Variants in NAV2 observed in about 807,000 individuals in gnomAD.
The protein encoded by NAV2 is helicase, APC down-regulated 1.
NAV2 carries 54 observed loss-of-function variants against 223.2 expected under a neutral mutation model. That is an observed-to-expected ratio of 0.24 (90% CI 0.19 to 0.30). The LOEUF is 0.30. NAV2 is among the 10% of genes least tolerant of loss of function. The pLI, the probability that NAV2 is intolerant of heterozygous loss-of-function variation, is 1.00. For missense variants in NAV2, 2,806 were observed against 3,147.5 expected, an observed-to-expected ratio of 0.89 and a Z score of 2.60; for synonymous variants, 1,279 against 1,239.3, an observed-to-expected ratio of 1.03 and a Z score of -0.67.
chr11:19,701,523 G>GGATGAT (rs1448922196), intron 1 of NAV2, among the ~76,000 whole-genome samples: 4 of 152,340 alleles, frequency 2.6e-5, no homozygotes, highest in African/African-American at 9.6e-5. Context: ...AATGAAGCCA[G>GGATGAT]GATGATGATG....
intron 1 of NAV2, among the ~76,000 whole-genome samples, chr11:19,831,983 T>G (rs1031188561): frequency 1.3e-5 from 2 of 152,226 alleles, no homozygotes; most frequent in African/African-American, 4.8e-5. Context: ...TTTTCATACT[T>G]GGCTTCTTTT....
intron 1 of NAV2, among the ~76,000 whole-genome samples, chr11:19,382,183 G>C (rs1477154630): frequency 6.6e-6 from 1 of 152,222 alleles, no homozygotes; most frequent in African/African-American, 2.4e-5. Context: ...CGCCTGAGGG[G>C]GAAGGGCGCA....
chr11:19,428,962 C>G (rs1850940847), intron 1 of NAV2, among the ~76,000 whole-genome samples: 1 of 152,220 alleles, frequency 6.6e-6, no homozygotes, highest in African/African-American at 2.4e-5. Flanking sequence ...CTGCTAGCTC[C>G]ACTACACAGC....
At chr11:20,104,699 C>G (rs2061895749) in intron 34 of NAV2, 1 of 152,338 alleles carries the variant, frequency 6.6e-6, no homozygotes, top group South Asian at 2.1e-4. Context: ...TGTAGCCAAT[C>G]CTCTGCACTG....
chr11:19,949,870 G>C (rs1453894804), intron 10 of NAV2, among the ~76,000 whole-genome samples: 3 of 152,184 alleles, frequency 2.0e-5, no homozygotes, highest in Non-Finnish European at 4.4e-5. Flanking sequence ...ATGAACACGT[G>C]AATCAGTGAA....
intron 12 of NAV2, among the ~76,000 whole-genome samples, chr11:20,041,252 G>A (rs1279421224): frequency 6.6e-6 from 1 of 152,164 alleles, no homozygotes; most frequent in African/African-American, 2.4e-5. Context: ...TGTGGGCTCT[G>A]CAGTTAGACT....
chr11:19,505,035 T>C (rs1299164158), intron 1 of NAV2: 1 of 152,250 alleles, frequency 6.6e-6, no homozygotes, highest in Non-Finnish European at 1.5e-5. Context: ...CTTAGCCTCT[T>C]CCCATCTTCC....
At chr11:19,670,773 T>G (rs967256857) in intron 1 of NAV2, among the ~76,000 whole-genome samples, 4 of 152,200 alleles carry the variant, frequency 2.6e-5, no homozygotes, top group African/African-American at 4.8e-5. Context: ...TGCGGGCACC[T>G]CTGAGCCCAC....
At chr11:19,540,962 G>A (rs1427158878) in intron 1 of NAV2, among the ~76,000 whole-genome samples, 3 of 152,180 alleles carry the variant, frequency 2.0e-5, no homozygotes, top group Non-Finnish European at 4.4e-5. Flanking sequence ...CAAGAGAAGA[G>A]AATACAAGAG....
chr11:19,656,073 C>G lies in NAV2; in HGVS notation c.76-176411C>G, dbSNP rs564249013. 7.4e-4 allele frequency among the ~76,000 whole-genome samples: 113 copies of G among 152,220 alleles called. 1 individual carries two copies. Among genetic ancestry groups the G allele is most frequent in the Non-Finnish European group, 1.4e-3 (96 of 68,010 alleles). ...TTTCAGAACATATGACTTGAGAAAA[C>G]CTTTCCGTGAAGGGGCTCAGCAGTG... On this transcript the variant is annotated intron_variant, in intron 1 of 37. Coordinates refer to the NAV2 transcript ENST00000360655.
chr11:19,366,470 G>C (rs1240928203), intron 1 of NAV2, among the ~76,000 whole-genome samples: 1 of 152,154 alleles, frequency 6.6e-6, no homozygotes, highest in East Asian at 1.9e-4. Flanking sequence ...TGCAGATGAA[G>C]GGTACCAGGA....
intron 11 of NAV2, among the ~76,000 whole-genome samples, chr11:20,033,867 C>G (rs928873398): frequency 1.7e-4 from 26 of 152,332 alleles, no homozygotes; most frequent in Non-Finnish European, 2.8e-4. Context: ...ATCTCAACCA[C>G]TCAGCATTTC....
intron 1 of NAV2, among the ~76,000 whole-genome samples, chr11:19,747,148 G>GT (rs1167292349): frequency 2.0e-5 from 3 of 147,006 alleles, no homozygotes; most frequent in Non-Finnish European, 4.5e-5. Flanking sequence ...GCGGTATTTG[G>GT]TTTTTTGTCC....
chr11:19,607,647 G>A (rs1394865259), intron 1 of NAV2, among the ~76,000 whole-genome samples: 1 of 152,192 alleles, frequency 6.6e-6, no homozygotes, highest in South Asian at 2.1e-4. Flanking sequence ...GTCAGTCTTG[G>A]AGTCTCTAAT....
chr11:19,973,486 A>G (rs1239189027), intron 10 of NAV2, among the ~76,000 whole-genome samples: 1 of 152,188 alleles, frequency 6.6e-6, no homozygotes, highest in Non-Finnish European at 1.5e-5. Context: ...CATTTTCCAA[A>G]AGACGCATGA....
At chr11:19,812,155 C>A (rs904017061) in intron 1 of NAV2, among the ~76,000 whole-genome samples, 2 of 152,084 alleles carry the variant, frequency 1.3e-5, no homozygotes, top group African/African-American at 4.8e-5. Flanking sequence ...TGCCACCCCC[C>A]ACAATTTCTG....
chr11:19,714,084 A>T, intron 1 of NAV2, 122 bp downstream of exon 1: 1 of 1,367,994 alleles, frequency 7.3e-7, no homozygotes, highest in South Asian at 1.4e-5. Context: ...GAAGGGAACC[A>T]TTCCCCTTAG....
At chr11:19,584,252 A>G (rs183427762) in intron 1 of NAV2, among the ~76,000 whole-genome samples, 31 of 151,956 alleles carry the variant, frequency 2.0e-4, no homozygotes, top group African/African-American at 5.3e-4. Flanking sequence ...TATTGGGTCT[A>G]TTCGATTCTT....
chr11:20,058,104 A>G (rs1401673845), intron 19 of NAV2, among the ~76,000 whole-genome samples: 1 of 152,246 alleles, frequency 6.6e-6, no homozygotes, highest in East Asian at 1.9e-4. Flanking sequence ...AGTTTGTGTA[A>G]TTAGGTTTTT....
Sources: allele counts gnomAD v4.1 joint callset (sites outside exome capture counted in the v4.1 genomes callset), GRCh38; gene constraint gnomAD v4.1.1; transcripts MANE v1.5; gene names NCBI Gene and HGNC (gene_info 2026-07-23, HGNC 2026-07-21).